CD3E: variants seen among roughly 807,000 people sequenced by gnomAD.
CD3E encodes the protein CD3 epsilon subunit of T-cell receptor complex, also known as T-cell surface glycoprotein CD3 epsilon chain.
In CD3E, 16 loss-of-function variants were observed where a neutral mutation model predicts 34.7. The ratio of observed to expected loss-of-function variants is 0.46; its 90% CI spans 0.31 to 0.70. CD3E has a LOEUF of 0.70. CD3E is among the 30% of genes least tolerant of loss of function. The pLI is 0.05. For synonymous variants in CD3E, 70 were observed against 90.8 expected, an observed-to-expected ratio of 0.77 and a Z score of 1.30; for missense variants, 223 against 253.9, an observed-to-expected ratio of 0.88 and a Z score of 0.83.
chr11:118,312,934 G>A (rs2134766973), intron 6 of CD3E, 68 bp downstream of exon 6: 2 of 1,594,344 alleles, frequency 1.3e-6, no homozygotes, highest in Middle Eastern at 1.7e-4. Flanking sequence ...GGCATTCTCA[G>A]TGATTTTCCC....
intron 3 of CD3E, among the ~76,000 whole-genome samples, chr11:118,308,067 G>A (rs1948117517): frequency 6.6e-6 from 1 of 152,176 alleles, no homozygotes; most frequent in African/African-American, 2.4e-5. Context: ...TACTCGAGAA[G>A]CTGAGGCAGG....
At chr11:118,314,378 A>T in intron 7 of CD3E, 70 bp from the exon 8 acceptor site, 3 of 1,335,344 alleles carry the variant, frequency 2.2e-6, no homozygotes, top group Non-Finnish European at 3.2e-6. Context: ...TCTGGGTCTC[A>T]CTGGCACAGA....
chr11:118,312,250 G>C, intron 5 of CD3E, 80 bp downstream of exon 5: 2 of 1,224,750 alleles, frequency 1.6e-6, no homozygotes, highest in Non-Finnish European at 2.4e-6. Context: ...GATTGAGAGA[G>C]ATTAACCCCA....
intron 4 of CD3E, among the ~76,000 whole-genome samples, chr11:118,308,711 G>A (rs1853397427): frequency 6.6e-6 from 1 of 152,218 alleles, no homozygotes; most frequent in African/African-American, 2.4e-5. Context: ...AATCTTTGAA[G>A]GCAGACAGAG....
chr11:118,307,163 A>T (rs1225014710), intron 2 of CD3E, 125 bp from the exon 3 acceptor site: 1 of 731,594 alleles, frequency 1.4e-6, no homozygotes, highest in Non-Finnish European at 2.4e-6. Context: ...GCTGTGACCC[A>T]GCAGCAAGAG....
At chr11:118,308,320 C>A (rs568905283) in intron 3 of CD3E, 107 bp from the exon 4 acceptor site, 2 of 787,704 alleles carry the variant, frequency 2.5e-6, no homozygotes, top group East Asian at 2.6e-5. Context: ...TTGGAAGATC[C>A]ATTGTTTCCT....
At position 118,305,196 on chromosome 11, in the gene CD3E, G is replaced by A. The variant is rs539049968; in HGVS notation, c.49+195G>A. Among the ~76,000 whole-genome samples, 19 of 152,322 alleles carry A rather than the reference G, an allele frequency of 1.2e-4. No homozygotes were observed. The South Asian group carries it at 2.5e-3, about 20-fold the overall frequency. On this transcript the variant is annotated intron_variant, in intron 2 of 8. Coordinates refer to ENST00000361763, the MANE Select transcript of CD3E (RefSeq NM_000733.4). The stretch of plus-strand genomic sequence containing the variant: ...GCCACGGGTGCCTGGGAGAGCGTTC[G>A]GGGAGCAGGCAAAGAAGAGCAGTTG...
In CD3E at chr11:118,315,757, A is replaced by C; in HGVS notation, c.*215A>C. On this transcript the variant is annotated 3_prime_UTR_variant, in exon 9 of 9. Coordinates refer to ENST00000361763, the MANE Select transcript of CD3E (RefSeq NM_000733.4). Reference sequence around the variant, plus strand: ...ATATTGCTGCTTCCTCTTCCTTTGAAGCATCATCAGTAGTCACACCCTCAC... The same window carrying C: ...ATATTGCTGCTTCCTCTTCCTTTGACGCATCATCAGTAGTCACACCCTCAC... The C allele has an allele frequency of 1.6e-6, 1 of 625,312 alleles. No individual in the cohort carries two copies. Among genetic ancestry groups the C allele is most frequent in the Non-Finnish European group, 2.9e-6 (1 of 346,346 alleles). 38.7% of individuals were successfully genotyped at this position (625,312 alleles called of 1,614,324 possible). A position where few individuals can be genotyped will look rare whatever the true frequency, so the allele number is the denominator to read the frequency against.
chr11:118,311,879 G>C (rs1418969465), intron 4 of CD3E, among the ~76,000 whole-genome samples: 3 of 152,182 alleles, frequency 2.0e-5, no homozygotes, highest in Non-Finnish European at 2.9e-5. Flanking sequence ...GGCTTTCTGA[G>C]CTTCAGTAGA....
chr11:118,306,503 A>AT (rs201696596), intron 2 of CD3E, among the ~76,000 whole-genome samples: 2,591 of 29,542 alleles, frequency 0.088, 46 homozygotes, highest in South Asian at 0.19. Context: ...AAATAAATAA[A>AT]TAAATAAATA....
chr11:118,309,941 C>T (rs368549029), intron 4 of CD3E, among the ~76,000 whole-genome samples: 197 of 152,294 alleles, frequency 1.3e-3, no homozygotes, highest in African/African-American at 4.5e-3. Context: ...AAAGATTGTG[C>T]CACTGTACTC....
Position 118,313,245 on chromosome 11 carries a change from A to C in CD3E, c.352+379A>C, listed in dbSNP as rs1948146359. On this transcript the variant is annotated intron_variant, in intron 6 of 8. Coordinates refer to ENST00000361763, the MANE Select transcript of CD3E (RefSeq NM_000733.4). ...AAAACACTCAAGGCCACTATAGTAA[A>C]ATGGCATAAGCTAAGGTATAATAAT... 8.9e-5 allele frequency: 32 copies of C among 360,754 alleles called. 1 individual carries two copies. The highest frequency in any genetic ancestry group is 8.3e-4 in the South Asian group (32 of 38,690). 22.3% of individuals were successfully genotyped at this position (360,754 alleles called of 1,614,324 possible).
intron 4 of CD3E, among the ~76,000 whole-genome samples, chr11:118,310,601 G>A (rs1206342066): frequency 6.6e-6 from 1 of 152,122 alleles, no homozygotes; most frequent in Non-Finnish European, 1.5e-5. Flanking sequence ...GCACATTTCT[G>A]TCTAAGCACA....
At position 118,307,292 on chromosome 11, in the gene CD3E, C is replaced by T. The variant is rs1126924; in HGVS notation, c.54C>T (p.Gly18=). 485,755 of 1,593,588 alleles carry T rather than the reference C, an allele frequency of 0.3. 78,604 individuals carry two copies. Among genetic ancestry groups the T allele is most frequent in the Admixed American group, 0.48 (28,374 of 59,710 alleles). Residue 18 remains glycine (G), a synonymous_variant, in exon 3 of 9, where the codon GGC becomes GGT. Coordinates refer to ENST00000361763, the MANE Select transcript of CD3E (RefSeq NM_000733.4). ...RVLGLCLLSV[G]VWGQDGNEEM... is the part of the protein sequence containing the mutation. ...TTTTTCTTATTTATTTTCTAGTTGG[C>T]GTTTGGGGGCAAGATGGTGAGATAT...
At chr11:118,308,194 C>T (rs1473413974) in intron 3 of CD3E, among the ~76,000 whole-genome samples, 1 of 152,116 alleles carries the variant, frequency 6.6e-6, no homozygotes, top group Admixed American at 6.5e-5. Flanking sequence ...AACCATTATG[C>T]CAGCCTAGAT....
intron 4 of CD3E, among the ~76,000 whole-genome samples, chr11:118,308,922 A>G (rs1565510513): frequency 6.6e-6 from 1 of 152,248 alleles, no homozygotes; most frequent in Non-Finnish European, 1.5e-5. Flanking sequence ...AGTAAAATGA[A>G]GTATAAAGAG....
At chr11:118,308,932 G>C (rs976875056) in intron 4 of CD3E, among the ~76,000 whole-genome samples, 22 of 152,344 alleles carry the variant, frequency 1.4e-4, no homozygotes, top group African/African-American at 4.6e-4. Context: ...AGTATAAAGA[G>C]GGGAGTGGTC....
intron 8 of CD3E, 36 bp downstream of exon 8, chr11:118,314,530 G>A (rs1948154810): frequency 6.3e-7 from 1 of 1,597,510 alleles, no homozygotes; most frequent in Non-Finnish European, 8.6e-7. Flanking sequence ...GACGCTGGAG[G>A]GGATGTCCCT....
intron 3 of CD3E, among the ~76,000 whole-genome samples, chr11:118,307,568 C>A (rs1948114463): frequency 6.6e-6 from 1 of 152,148 alleles, no homozygotes; most frequent in Non-Finnish European, 1.5e-5. Context: ...AAAGCACTAA[C>A]AGTTTTCATT....
Sources: gnomAD v4.1 joint callset for allele counts (sites outside exome capture counted in the v4.1 genomes callset) on GRCh38, gnomAD v4.1.1 for gene constraint, MANE v1.5 for transcripts, NCBI Gene and HGNC (gene_info 2026-07-23, HGNC 2026-07-21) for gene names.